WDPCP: variants seen among roughly 807,000 people sequenced by gnomAD.
WDPCP encodes the protein WD repeat-containing and planar cell polarity effector protein fritz homolog.
In WDPCP, 71 loss-of-function variants were observed where a neutral mutation model predicts 93.1. The ratio of observed to expected loss-of-function variants is 0.76; its 90% CI spans 0.63 to 0.93. WDPCP has a LOEUF of 0.93. WDPCP is among the 40% of genes least tolerant of loss of function. The pLI is 0.00. For synonymous variants in WDPCP, 315 were observed against 315.0 expected (o/e 1.00, Z 0.00); for missense variants, 844 against 887.4 (o/e 0.95, Z 0.62).
intron 2 of WDPCP, among the ~76,000 whole-genome samples, chr2:63,699,337 C>A (rs765992028): frequency 7.2e-5 from 11 of 152,156 alleles, no homozygotes; most frequent in Non-Finnish European, 1.6e-4. Context: ...TGAAAGAAAC[C>A]CATGTTCTTT....
At chr2:63,541,876 A>G (rs542669735) in intron 1 of WDPCP, among the ~76,000 whole-genome samples, 263 of 152,294 alleles carry the variant, frequency 1.7e-3, no homozygotes, top group Non-Finnish European at 2.8e-3. Context: ...TGCACCCAAC[A>G]TAAGGCCTTC....
intron 1 of WDPCP, among the ~76,000 whole-genome samples, chr2:63,539,347 T>A (rs1326242720): frequency 6.6e-6 from 1 of 152,184 alleles, no homozygotes; most frequent in Non-Finnish European, 1.5e-5. Flanking sequence ...GCATTGCCAA[T>A]GCTTCTGTAA....
chr2:63,364,753 A>C (rs1234420072), intron 12 of WDPCP, among the ~76,000 whole-genome samples: 1 of 152,228 alleles, frequency 6.6e-6, no homozygotes. Context: ...CTTATGAAGA[A>C]ATTAACACAA....
chr2:63,333,151 C>G (rs1383229115), intron 12 of WDPCP, among the ~76,000 whole-genome samples: 1 of 151,880 alleles, frequency 6.6e-6, no homozygotes, highest in Non-Finnish European at 1.5e-5. Flanking sequence ...TTTTTTTTAT[C>G]TTGCCCAAAT....
chr2:63,509,544 T>C (rs1295032971), intron 1 of WDPCP, among the ~76,000 whole-genome samples: 1 of 151,618 alleles, frequency 6.6e-6, no homozygotes, highest in Non-Finnish European at 1.5e-5. Flanking sequence ...GCAAACAAAT[T>C]CAAAAGCTAA....
Position 63,588,469 on chromosome 2 carries a change from CAA to C in WDPCP, c.-200_-199del. Reference sequence around the variant, plus strand: ...AACCTGAGAAGCTGTCCGGTCGTCCCAACTTATCAATTCCCCCGCCCCTCCAG... The same window carrying C: ...AACCTGAGAAGCTGTCCGGTCGTCCCCTTATCAATTCCCCCGCCCCTCCAG... On this transcript the variant is annotated 5_prime_UTR_variant, in exon 1 of 18. Coordinates refer to ENST00000272321, the MANE Select transcript of WDPCP (RefSeq NM_015910.7). 1.5e-6 allele frequency: 1 copy of C among 669,404 alleles called. No individual in the cohort carries two copies. Among genetic ancestry groups the C allele is most frequent in the Non-Finnish European group, 2.7e-6 (1 of 369,502 alleles). The allele number at this position is 669,404 out of a possible 1,614,324, so 41.5% of individuals were successfully genotyped here.
intron 2 of WDPCP, among the ~76,000 whole-genome samples, chr2:63,749,899 G>A (rs189742869): frequency 8.5e-5 from 13 of 152,160 alleles, no homozygotes; most frequent in Non-Finnish European, 2.9e-5. Flanking sequence ...TAGTCTTGCT[G>A]TTATCTTAAT....
chr2:63,149,068 A>G (rs1671722125), intron 17 of WDPCP, among the ~76,000 whole-genome samples: 1 of 152,188 alleles, frequency 6.6e-6, no homozygotes, highest in Non-Finnish European at 1.5e-5. Context: ...TTCGTCAACC[A>G]CAAAGACAGG....
intron 13 of WDPCP, among the ~76,000 whole-genome samples, chr2:63,275,311 T>A (rs1029217178): frequency 6.6e-6 from 1 of 152,092 alleles, no homozygotes; most frequent in Non-Finnish European, 1.5e-5. Context: ...AGGCCATATA[T>A]GAAAAACAGA....
intron 12 of WDPCP, among the ~76,000 whole-genome samples, chr2:63,319,062 G>T (rs144399303): frequency 1.3e-3 from 202 of 152,306 alleles, no homozygotes; most frequent in Middle Eastern, 3.4e-3. Flanking sequence ...GGAGGTAGAA[G>T]ACAGAAAATA....
At chr2:63,715,468 G>A (rs1215273711) in intron 2 of WDPCP, among the ~76,000 whole-genome samples, 1 of 152,168 alleles carries the variant, frequency 6.6e-6, no homozygotes, top group Non-Finnish European at 1.5e-5. Context: ...TTAGCTACCT[G>A]TAACATGCCA....
At chr2:63,271,380 G>A (rs1682625760) in intron 13 of WDPCP, among the ~76,000 whole-genome samples, 1 of 152,190 alleles carries the variant, frequency 6.6e-6, no homozygotes, top group Non-Finnish European at 1.5e-5. Context: ...CCTGAGGATT[G>A]ATCTGCTTGT....
chr2:63,412,058 C>T (rs1228704562), intron 9 of WDPCP, among the ~76,000 whole-genome samples: 3 of 152,036 alleles, frequency 2.0e-5, no homozygotes, highest in African/African-American at 7.2e-5. Flanking sequence ...ATACCAAAAC[C>T]AGGAAAGGAC....
chr2:63,585,116 T>C (rs1708749834), intron 1 of WDPCP, among the ~76,000 whole-genome samples: 1 of 152,214 alleles, frequency 6.6e-6, no homozygotes, highest in Non-Finnish European at 1.5e-5. Flanking sequence ...GTACAAATTG[T>C]GTATGTATAA....
chr2:63,240,028 A>T (rs181028777), intron 14 of WDPCP, among the ~76,000 whole-genome samples: 4 of 152,272 alleles, frequency 2.6e-5, no homozygotes, highest in African/African-American at 9.6e-5. Flanking sequence ...AATCACATGC[A>T]TAAAATTTTA....
At position 63,433,834 on chromosome 2, in the gene WDPCP, T is replaced by C. The variant is rs756126533; in HGVS notation, c.736A>G (p.Asn246Asp). The change falls in exon 9 of 18, where the codon AAC becomes GAC. Residue 246 changes from asparagine to aspartate, a missense_variant. By Grantham distance (23) the Asn-to-Asp change is conservative (BLOSUM62 1). Transcript: ENST00000272321. ...DRVVCWWPLV[N>D]DDAWPWAPIS... ...GGGGCCCAAGGCCAAGCATCATCGT[T>C]GACCAGTGGCCACCAGCAAACAACT... 1 of 1,614,054 alleles carries C rather than the reference T, an allele frequency of 6.2e-7. No individual in the cohort carries two copies. The highest frequency in any genetic ancestry group is 1.1e-5 in the South Asian group (1 of 91,056).
intron 6 of WDPCP, among the ~76,000 whole-genome samples, chr2:63,467,984 G>A (rs1440882486): frequency 6.6e-6 from 1 of 152,124 alleles, no homozygotes; most frequent in Non-Finnish European, 1.5e-5. Flanking sequence ...AACTGAGGCT[G>A]GCGGTAAAGT....
chr2:63,448,870 G>C (rs1012834469), intron 6 of WDPCP, among the ~76,000 whole-genome samples: 2 of 152,112 alleles, frequency 1.3e-5, no homozygotes, highest in Admixed American at 6.5e-5. Context: ...AGGGGAAATG[G>C]GGAGATACTG....
At chr2:63,610,851 T>G (rs1275800205) in intron 3 of WDPCP, among the ~76,000 whole-genome samples, 1 of 152,334 alleles carries the variant, frequency 6.6e-6, no homozygotes, top group East Asian at 1.9e-4. Flanking sequence ...CTCAGCACTT[T>G]GGGGGACCCA....
Sources: gnomAD v4.1 joint callset for allele counts (sites outside exome capture counted in the v4.1 genomes callset) on GRCh38, gnomAD v4.1.1 for gene constraint, MANE v1.5 for transcripts, NCBI Gene and HGNC (gene_info 2026-07-23, HGNC 2026-07-21) for gene names.